PI4K2A: variants seen among roughly 807,000 people sequenced by gnomAD.
PI4K2A encodes phosphatidylinositol 4-kinase type 2-alpha.
In PI4K2A, 20 loss-of-function variants were observed where a neutral mutation model predicts 55.0. The observed-to-expected ratio is 0.36, with a 90% CI of 0.26 to 0.53. PI4K2A has a LOEUF of 0.53. PI4K2A is among the 20% of genes least tolerant of loss of function. The pLI, the probability that PI4K2A is intolerant of heterozygous loss-of-function variation, is 0.91. For synonymous variants in PI4K2A, 235 were observed against 258.5 expected (o/e 0.91, Z 0.87); for missense variants, 463 against 637.1 (o/e 0.73, Z 2.94).
intron 1 of PI4K2A, among the ~76,000 whole-genome samples, chr10:97,648,634 A>G (rs1213230864): frequency 6.6e-6 from 1 of 152,122 alleles, no homozygotes; most frequent in Non-Finnish European, 1.5e-5. Flanking sequence ...TGAACTCCAT[A>G]ATGTGCCTCA....
In PI4K2A at chr10:97,660,484, C is replaced by T. The variant is rs567787314; in HGVS notation, c.923-2423C>T. On this transcript the variant is annotated intron_variant, in intron 4 of 8. Coordinates refer to ENST00000370631, the Ensembl canonical transcript of PI4K2A. ...CTAATTTTTGTATTTTTAGTAGAGA[C>T]AGGGTTTCACCATATTGGTCAGGCT... Among the ~76,000 whole-genome samples, 99 of 147,580 alleles carry T rather than the reference C, an allele frequency of 6.7e-4. 2 individuals are homozygous for T. In the South Asian group the frequency reaches 0.016, roughly 24 times the overall value.
chr10:97,667,635 A>C (rs1389710886), intron 8 of PI4K2A, among the ~76,000 whole-genome samples: 3 of 152,188 alleles, frequency 2.0e-5, no homozygotes, highest in South Asian at 2.1e-4. Flanking sequence ...TTGTTGAAGC[A>C]CTTAATGTGC....
At chr10:97,642,886 T>TC in intron 1 of PI4K2A, among the ~76,000 whole-genome samples, 1 of 116,428 alleles carries the variant, frequency 8.6e-6, no homozygotes, top group African/African-American at 3.5e-5. Context: ...TCTTTCTTTC[T>TC]TCCTTCCTTC....
intron 1 of PI4K2A, among the ~76,000 whole-genome samples, chr10:97,643,044 A>C (rs1251122246): frequency 6.7e-6 from 1 of 150,296 alleles, no homozygotes; most frequent in Admixed American, 6.7e-5. Flanking sequence ...GCTGGAGTGC[A>C]GTGGTGCAGT....
At position 97,656,710 on chromosome 10, in the gene PI4K2A, C is replaced by T; in HGVS notation, c.769-111C>T. 1.0e-6 allele frequency: 1 copy of T among 973,032 alleles called. No individual in the cohort carries two copies. Among genetic ancestry groups the T allele is most frequent in the Non-Finnish European group, 1.6e-6 (1 of 634,884 alleles). 60.3% of individuals were successfully genotyped at this position (973,032 alleles called of 1,614,324 possible). A position where few individuals can be genotyped will look rare whatever the true frequency, so the allele number is the denominator to read the frequency against. ...GGAAGTAAAGATCTTGAAAAGTTTT[C>T]CTTCTCTGATACAAACTCCATAGGG... is the stretch of plus-strand genomic sequence containing the variant. On this transcript the variant is annotated intron_variant, in intron 3 of 8. Transcript: ENST00000370631. This position sits in a 1 kb window ranked among gnomAD's most constrained non-coding sequence, Gnocchi z 4.5.
At chr10:97,674,677 T>C (rs2041653522) in exon 9 of PI4K2A, 1 of 152,176 alleles carries the variant, frequency 6.6e-6, no homozygotes, top group Non-Finnish European at 1.5e-5. Flanking sequence ...CCAACTCTTT[T>C]GATGTAAGAG....
chr10:97,649,747 C>T (rs1488629897), intron 1 of PI4K2A, among the ~76,000 whole-genome samples: 1 of 150,572 alleles, frequency 6.6e-6, no homozygotes, highest in Non-Finnish European at 1.5e-5. Context: ...CCTCAGCCTC[C>T]CGGGTAGCTG....
chr10:97,674,086 C>A, exon 9 of PI4K2A: 1 of 201,176 alleles, frequency 5.0e-6, no homozygotes, highest in Non-Finnish European at 9.9e-6. Flanking sequence ...TATTCTGCAT[C>A]AGAAAAACAA....
At chr10:97,668,641 G>T (rs975844107) in intron 8 of PI4K2A, among the ~76,000 whole-genome samples, 3 of 152,122 alleles carry the variant, frequency 2.0e-5, no homozygotes, top group Admixed American at 1.3e-4. Flanking sequence ...GAAACAGTTA[G>T]AGTAGTACCT....
chr10:97,666,814 T>G (rs2041612080), intron 7 of PI4K2A, among the ~76,000 whole-genome samples: 1 of 152,176 alleles, frequency 6.6e-6, no homozygotes, highest in Non-Finnish European at 1.5e-5. Flanking sequence ...GGCTGCAATG[T>G]ATCTGCAGGG....
At chr10:97,663,991 G>T (rs10882978) in intron 5 of PI4K2A, among the ~76,000 whole-genome samples, 67,566 of 151,884 alleles carry the variant, frequency 0.44, 15,575 homozygotes, top group African/African-American at 0.56. Context: ...GTTGTTTAAT[G>T]TTTTGTAGAG....
At chr10:97,650,526 C>G (rs2041526134) in intron 1 of PI4K2A, among the ~76,000 whole-genome samples, 1 of 152,290 alleles carries the variant, frequency 6.6e-6, no homozygotes, top group Admixed American at 6.5e-5. Context: ...AAATTATCCA[C>G]CCGCCTTGGC....
chr10:97,642,890 TTC>T (rs1564772375), intron 1 of PI4K2A, among the ~76,000 whole-genome samples: 40 of 127,862 alleles, frequency 3.1e-4, no homozygotes, highest in Admixed American at 5.5e-4. Flanking sequence ...TCTTTCTTCC[TTC>T]CTTCCTTCCT....
chr10:97,649,325 C>G (rs1259371858), intron 1 of PI4K2A, among the ~76,000 whole-genome samples: 2 of 152,128 alleles, frequency 1.3e-5, no homozygotes, highest in African/African-American at 4.8e-5. Flanking sequence ...GCTGACTGGC[C>G]TGTTGAAGAA....
chr10:97,661,851 A>ATTT (rs11293508), intron 4 of PI4K2A, among the ~76,000 whole-genome samples: 41 of 126,012 alleles, frequency 3.3e-4, no homozygotes, highest in East Asian at 1.1e-3. Flanking sequence ...TTCAGGTTTG[A>ATTT]TTTTTTTTTT....
chr10:97,642,956 C>A (rs1307819051), intron 1 of PI4K2A, among the ~76,000 whole-genome samples: 1 of 141,980 alleles, frequency 7.0e-6, no homozygotes. Context: ...CTCTTTCTTT[C>A]TTTTTCTTTC....
intron 4 of PI4K2A, among the ~76,000 whole-genome samples, chr10:97,661,054 C>A (rs1297087485): frequency 6.6e-6 from 1 of 151,790 alleles, no homozygotes; most frequent in Non-Finnish European, 1.5e-5. Flanking sequence ...TGCAGTGGCC[C>A]AATCTCGGTT....
At position 97,665,803 on chromosome 10, in the gene PI4K2A, A is replaced by G. The variant is rs537563861; in HGVS notation, c.1085-635A>G. Among the ~76,000 whole-genome samples, 570 of 150,492 alleles carry G rather than the reference A, an allele frequency of 3.8e-3. 2 individuals carry two copies. The highest frequency in any genetic ancestry group is 0.015 in the Middle Eastern group (4 of 272). Reference sequence around the variant, plus strand: ...AGACAGGGTTTCAGTGTGTTAGCCAAGATGATCTCAATCTCCTGACCTTGT... The same window carrying G: ...AGACAGGGTTTCAGTGTGTTAGCCAGGATGATCTCAATCTCCTGACCTTGT... On this transcript the variant is annotated intron_variant, in intron 6 of 8. Transcript: ENST00000370631.
intron 2 of PI4K2A, among the ~76,000 whole-genome samples, chr10:97,654,484 G>A (rs2041543316): frequency 2.6e-5 from 4 of 152,020 alleles, no homozygotes; most frequent in African/African-American, 9.6e-5. Context: ...AAAAAAAATA[G>A]TTATTTGTAA....
Sources: gnomAD v4.1 joint callset for allele counts (sites outside exome capture counted in the v4.1 genomes callset) on GRCh38, gnomAD v4.1.1 for gene constraint, Gnocchi (gnomAD v3.1) non-coding constraint, MANE v1.5 for transcripts, NCBI Gene and HGNC (gene_info 2026-07-23, HGNC 2026-07-21) for gene names.